PCDHA7: variants seen among roughly 807,000 people sequenced by gnomAD.
PCDHA7 encodes the protein protocadherin alpha 7.
A neutral mutation model predicts 57.2 loss-of-function variants in PCDHA7; 37 were observed. That is an observed-to-expected ratio of 0.65 (90% CI 0.50 to 0.85). The LOEUF is 0.85. PCDHA7 is among the 40% of genes least tolerant of loss of function. The probability of loss-of-function intolerance (pLI) is 0.00; values close to 1 mark genes in which losing one functional copy is unlikely to be tolerated. For synonymous variants in PCDHA7, 553 were observed against 558.8 expected (o/e 0.99, Z 0.15); for missense variants, 1,188 against 1,241.8 (o/e 0.96, Z 0.65).
intron 3 of PCDHA7, among the ~76,000 whole-genome samples, chr5:141,002,613 A>G (rs1587992392): frequency 1.3e-5 from 2 of 152,206 alleles, no homozygotes; most frequent in African/African-American, 4.8e-5. Context: ...AAACAGACAC[A>G]TAACACAGAC....
chr5:140,962,008 C>T (rs1363169601), intron 1 of PCDHA7, among the ~76,000 whole-genome samples: 5 of 152,088 alleles, frequency 3.3e-5, no homozygotes, highest in South Asian at 2.1e-4. Context: ...CTCAGCTTCC[C>T]GAGTAGCTGG....
intron 1 of PCDHA7, chr5:140,850,406 G>A (rs1200115176): frequency 1.9e-6 from 3 of 1,597,826 alleles, no homozygotes; most frequent in African/African-American, 1.3e-5. Flanking sequence ...CGCGTGCCCT[G>A]GACGAAACGG....
At position 140,924,955 on chromosome 5, in the gene PCDHA7, T is replaced by C. The variant is rs571597374; in HGVS notation, c.2356-53994T>C. Among the ~76,000 whole-genome samples, 96 of 145,332 alleles carry C rather than the reference T, an allele frequency of 6.6e-4. 1 individual carries two copies. The South Asian group carries it at 0.02, about 30-fold the overall frequency. The stretch of plus-strand genomic sequence containing the variant: ...ATAAAATAAAAAGTTAAAAAAAAAA[T>C]GCAAGGTGAGTGCAGTGGCTCATGT... On this transcript the variant is annotated intron_variant, in intron 1 of 3. Transcript: ENST00000525929.
At chr5:140,967,492 G>C in intron 1 of PCDHA7, 1 of 1,613,380 alleles carries the variant, frequency 6.2e-7, no homozygotes, top group Non-Finnish European at 8.5e-7. Flanking sequence ...GTACGGCACA[G>C]ATCTCTGTGC....
rs1554262965 is a variant in PCDHA7 at position 141,010,497 on chromosome 5, T to A, written c.*560T>A. Reference sequence around the variant, plus strand: ...AAGTGTAAACTTAAAGGGACCAGACTTTCTAAATCTTACAACTCAAGAGGT... The same window carrying A: ...AAGTGTAAACTTAAAGGGACCAGACATTCTAAATCTTACAACTCAAGAGGT... On this transcript the variant is annotated 3_prime_UTR_variant, in exon 4 of 4. Coordinates refer to ENST00000525929, the MANE Select transcript of PCDHA7 (RefSeq NM_018910.3). The A allele has an allele frequency of 1.7e-6, 1 of 584,358 alleles. No homozygotes were observed. Among genetic ancestry groups the A allele is most frequent in the African/African-American group, 1.9e-5 (1 of 53,100 alleles). 36.2% of individuals were successfully genotyped at this position (584,358 alleles called of 1,614,324 possible).
intron 1 of PCDHA7, chr5:140,968,552 C>T (rs370640529): frequency 1.2e-6 from 2 of 1,614,184 alleles, no homozygotes; most frequent in Non-Finnish European, 1.7e-6. Flanking sequence ...GATGGTGCCT[C>T]GAACTGCCCC....
At position 140,858,391 on chromosome 5, in the gene PCDHA7, T is replaced by G. The variant is rs1214576702; in HGVS notation, c.2355+21653T>G. ...GCCTTCCACCATGCCCAATGGTAGA[T>G]GTGGACGGGGAAGATCAGTCTATTG... On this transcript the variant is annotated intron_variant, in intron 1 of 3. Transcript: ENST00000525929. 2.5e-6 allele frequency: 4 copies of G among 1,577,710 alleles called. 1 individual carries two copies. The highest frequency in any genetic ancestry group is 3.5e-6 in the Non-Finnish European group (4 of 1,154,364).
chr5:140,915,626 GTCTC>G (rs57920489), intron 1 of PCDHA7, among the ~76,000 whole-genome samples: 182 of 146,478 alleles, frequency 1.2e-3, no homozygotes, highest in East Asian at 9.3e-3. Flanking sequence ...GTCTCTTTCT[GTCTC>G]TCTCTCTCTC....
chr5:140,871,141 C>T (rs1431247385), intron 1 of PCDHA7: 1 of 1,613,320 alleles, frequency 6.2e-7, no homozygotes, highest in Admixed American at 1.7e-5. Context: ...GGCCTCTTCC[C>T]GGACTTTGGC....
At chr5:140,848,899 C>T (rs1223339539) in intron 1 of PCDHA7, 1 of 1,605,974 alleles carries the variant, frequency 6.2e-7, no homozygotes, top group Admixed American at 1.7e-5. Context: ...GTGTTCCCAG[C>T]GACACAAAAG....
intron 1 of PCDHA7, among the ~76,000 whole-genome samples, chr5:140,959,938 G>T (rs937975013): frequency 6.6e-6 from 1 of 152,130 alleles, no homozygotes; most frequent in Non-Finnish European, 1.5e-5. Flanking sequence ...CATTACTTAG[G>T]CAGAATATCA....
At chr5:140,875,616 C>A (rs2055654644) in intron 1 of PCDHA7, 2 of 1,613,748 alleles carry the variant, frequency 1.2e-6, no homozygotes, top group Admixed American at 1.7e-5. Context: ...TGGGCCGCAT[C>A]GCTCAGGACC....
chr5:140,977,032 A>G (rs1488885995), intron 1 of PCDHA7, among the ~76,000 whole-genome samples: 3 of 152,212 alleles, frequency 2.0e-5, no homozygotes, highest in African/African-American at 7.2e-5. Flanking sequence ...TGAATCTAAG[A>G]AGGATGTTGT....
intron 1 of PCDHA7, chr5:140,854,282 G>C: frequency 1.9e-6 from 1 of 533,858 alleles, no homozygotes; most frequent in Non-Finnish European, 2.4e-6. Context: ...ATTGAGTTTA[G>C]TTTTTATTAT....
rs148357054 is a variant in PCDHA7, at chr5:140,862,194, A to G, written c.2355+25456A>G. On this transcript the variant is annotated intron_variant, in intron 1 of 3. Coordinates refer to ENST00000525929, the MANE Select transcript of PCDHA7 (RefSeq NM_018910.3). ...GGCAGTTGACACAGGCAATTCCCCA[A>G]TGTTTGATCACTGCACAGACTTGAT... The G allele has an allele frequency of 5.4e-3, 909 of 167,816 alleles. 8 individuals are homozygous for G. The highest frequency in any genetic ancestry group is 8.4e-3 in the South Asian group (55 of 6,516). The allele number at this position is 167,816 out of a possible 1,614,324, so 10.4% of individuals were successfully genotyped here.
chr5:140,987,811 CTT>C (rs1444999429), intron 3 of PCDHA7, among the ~76,000 whole-genome samples: 7 of 152,218 alleles, frequency 4.6e-5, no homozygotes, highest in African/African-American at 1.7e-4. Flanking sequence ...GTGCCTGTCT[CTT>C]TGTTTCCTTA....
chr5:140,920,204 G>A (rs185996994), intron 1 of PCDHA7, among the ~76,000 whole-genome samples: 3 of 152,222 alleles, frequency 2.0e-5, no homozygotes, highest in Admixed American at 1.3e-4. Context: ...AGCAGCCACA[G>A]AAAACCAATG....
rs782646556 is a variant in PCDHA7 at position 140,869,083 on chromosome 5, T to G, written c.2355+32345T>G. 1.6e-5 allele frequency: 26 copies of G among 1,582,872 alleles called. No individual in the cohort carries two copies. The South Asian group carries it at 2.9e-4, about 18-fold the overall frequency. On this transcript the variant is annotated intron_variant, in intron 1 of 3. Coordinates refer to ENST00000525929, the MANE Select transcript of PCDHA7 (RefSeq NM_018910.3). ...ACTGTAAGTGTAAAGAAGCTTATTT[T>G]GGAAGCCAATTTCGTATGCGATGTT...
chr5:140,997,132 C>A (rs1189394609), intron 3 of PCDHA7, among the ~76,000 whole-genome samples: 1 of 152,076 alleles, frequency 6.6e-6, no homozygotes, highest in Non-Finnish European at 1.5e-5. Flanking sequence ...CACAATGCCC[C>A]CACACCCCCG....
Sources: allele counts gnomAD v4.1 joint callset (sites outside exome capture counted in the v4.1 genomes callset), GRCh38; gene constraint gnomAD v4.1.1; transcripts MANE v1.5; gene names NCBI Gene and HGNC (gene_info 2026-07-23, HGNC 2026-07-21).